The following ROBO2 variants were observed in gnomAD, a reference collection of about 807,000 sequenced individuals.
ROBO2 encodes roundabout guidance receptor 2, also known as roundabout homolog 2.
Under a neutral mutation model 160.8 loss-of-function variants are expected in ROBO2, and 53 were observed. The ratio of observed to expected loss-of-function variants is 0.33; its 90% confidence interval spans 0.26 to 0.41. The LOEUF is 0.41. ROBO2 is among the 10% of genes least tolerant of loss of function. The pLI is 1.00. For synonymous variants in ROBO2, 664 were observed against 611.7 expected (o/e 1.09, Z -1.26); for missense variants, 1,577 against 1,722.4 (o/e 0.92, Z 1.49).
intron 2 of ROBO2, among the ~76,000 whole-genome samples, chr3:76,728,986 CT>C (rs2093593915): frequency 6.6e-6 from 1 of 151,972 alleles, no homozygotes; most frequent in African/African-American, 2.4e-5. Context: ...CTCTGCCTCT[CT>C]CTATTTTTGT....
intron 1 of ROBO2, among the ~76,000 whole-genome samples, chr3:77,067,151 G>A (rs906022844): frequency 2.6e-5 from 4 of 151,918 alleles, no homozygotes; most frequent in East Asian, 3.9e-4. Context: ...TTGATTTTTC[G>A]TGACTGCATA....
intron 23 of ROBO2, among the ~76,000 whole-genome samples, chr3:77,623,054 T>C (rs1374594983): frequency 6.6e-6 from 1 of 152,198 alleles, no homozygotes; most frequent in African/African-American, 2.4e-5. Context: ...AAGAGTTGCA[T>C]TGGTACTCTT....
chr3:76,966,408 A>T (rs2059296040), intron 2 of ROBO2, among the ~76,000 whole-genome samples: 1 of 152,172 alleles, frequency 6.6e-6, no homozygotes, highest in African/African-American at 2.4e-5. Context: ...ATGTAGTTAA[A>T]TACAATTTCC....
chr3:75,933,724 C>T (rs1947641488), intron 1 of ROBO2, among the ~76,000 whole-genome samples: 2 of 152,126 alleles, frequency 1.3e-5, no homozygotes. Flanking sequence ...ATAAAACCAT[C>T]TAGAAGATCC....
At chr3:76,853,795 A>C (rs2069685016) in intron 2 of ROBO2, among the ~76,000 whole-genome samples, 1 of 152,074 alleles carries the variant, frequency 6.6e-6, no homozygotes, top group African/African-American at 2.4e-5. Context: ...CATAATGTGG[A>C]GTGCCTTTGG....
chr3:76,602,301 C>T (rs1484904963), intron 2 of ROBO2, among the ~76,000 whole-genome samples: 2 of 152,152 alleles, frequency 1.3e-5, no homozygotes, highest in Non-Finnish European at 2.9e-5. Flanking sequence ...GTTCCAACCT[C>T]CGCCTGTTAC....
intron 6 of ROBO2, among the ~76,000 whole-genome samples, chr3:77,534,436 T>C (rs1394688530): frequency 6.6e-6 from 1 of 152,108 alleles, no homozygotes; most frequent in East Asian, 1.9e-4. Context: ...TTTCACTGGC[T>C]GTGTCCAGAA....
intron 2 of ROBO2, among the ~76,000 whole-genome samples, chr3:76,241,748 G>T (rs1416957620): frequency 1.3e-5 from 2 of 152,170 alleles, no homozygotes; most frequent in East Asian, 1.9e-4. Flanking sequence ...GCTTCATTCA[G>T]TGTGAACTTA....
intron 2 of ROBO2, among the ~76,000 whole-genome samples, chr3:76,472,252 TTAAAA>T (rs1269715836): frequency 1.3e-5 from 2 of 152,194 alleles, no homozygotes; most frequent in African/African-American, 2.4e-5. Context: ...ATAGCAATAT[TTAAAA>T]TAATATGTGT....
Position 77,438,759 on chromosome 3 carries a change from C to T in ROBO2, c.389-38655C>T, listed in dbSNP as rs1301529256. On this transcript the variant is annotated intron_variant, in intron 2 of 25. Transcript: ENST00000461745. ...AAACAGGCAACAGGCAGATTTGACC[C>T]ACAGGGTGTTGCTTCCAGATCCCTG... Among the ~76,000 whole-genome samples, 4 of 151,974 alleles carry T rather than the reference C, an allele frequency of 2.6e-5. No homozygotes were observed. The South Asian group carries it at 8.3e-4, about 31-fold the overall frequency.
intron 2 of ROBO2, among the ~76,000 whole-genome samples, chr3:76,634,567 CAA>C (rs2090211230): frequency 3.0e-5 from 3 of 101,060 alleles, no homozygotes; most frequent in Non-Finnish European, 6.7e-5. Flanking sequence ...GACTTCGTCT[CAA>C]AGAGAAAAAA....
At chr3:76,224,508 C>G (rs531510758) in intron 2 of ROBO2, among the ~76,000 whole-genome samples, 33 of 152,234 alleles carry the variant, frequency 2.2e-4, no homozygotes, top group African/African-American at 7.9e-4. Flanking sequence ...TGATGCCCAC[C>G]AACATTGTTG....
intron 2 of ROBO2, among the ~76,000 whole-genome samples, chr3:76,784,189 C>G (rs578101841): frequency 2.0e-4 from 31 of 151,222 alleles, no homozygotes; most frequent in Admixed American, 1.6e-3. Flanking sequence ...TTCCTTGAAT[C>G]CTTGCATTAC....
At chr3:76,940,256 A>G (rs893044520) in intron 2 of ROBO2, among the ~76,000 whole-genome samples, 2 of 152,208 alleles carry the variant, frequency 1.3e-5, no homozygotes, top group African/African-American at 4.8e-5. Flanking sequence ...TGCTGGGATT[A>G]CAGGCGTGAG....
At chr3:76,534,051 C>A (rs1228625513) in intron 2 of ROBO2, among the ~76,000 whole-genome samples, 1 of 152,042 alleles carries the variant, frequency 6.6e-6, no homozygotes, top group Non-Finnish European at 1.5e-5. Context: ...ACATTCCTGT[C>A]TTTTTATTTA....
intron 2 of ROBO2, among the ~76,000 whole-genome samples, chr3:76,884,369 C>T (rs549577132): frequency 6.6e-6 from 1 of 152,328 alleles, no homozygotes; most frequent in Non-Finnish European, 1.5e-5. Context: ...CTGCACCACA[C>T]ATCAGAGATA....
chr3:76,113,401 G>A (rs1268405055), intron 2 of ROBO2, among the ~76,000 whole-genome samples: 5 of 151,982 alleles, frequency 3.3e-5, no homozygotes, highest in South Asian at 2.1e-4. Flanking sequence ...GAAGACAGAG[G>A]TCTTTATCCT....
At chr3:76,585,884 A>G (rs569412023) in intron 2 of ROBO2, among the ~76,000 whole-genome samples, 1 of 152,292 alleles carries the variant, frequency 6.6e-6, no homozygotes, top group African/African-American at 2.4e-5. Context: ...ATATCACAAA[A>G]TAATTCTCAA....
At chr3:76,273,961 G>A (rs1177868102) in intron 2 of ROBO2, among the ~76,000 whole-genome samples, 4 of 152,166 alleles carry the variant, frequency 2.6e-5, no homozygotes, top group Admixed American at 2.6e-4. Flanking sequence ...TCACATAGCA[G>A]AAGGGCAAAG....
Sources: allele counts gnomAD v4.1 joint callset (sites outside exome capture counted in the v4.1 genomes callset), GRCh38; gene constraint gnomAD v4.1.1; transcripts MANE v1.5; gene names NCBI Gene and HGNC (gene_info 2026-07-23, HGNC 2026-07-21).